Variants in DLGAP1 observed in about 807,000 individuals in gnomAD.
The protein encoded by DLGAP1 is DLG associated protein 1.
A neutral mutation model predicts 90.8 loss-of-function variants in DLGAP1; 11 were observed. The ratio of observed to expected loss-of-function variants is 0.12; its 90% confidence interval spans 0.08 to 0.20. The LOEUF (loss-of-function observed/expected upper bound fraction) is 0.20. Ranked by LOEUF, DLGAP1 falls within the 10% of genes least tolerant of loss-of-function variation. The pLI, the probability that DLGAP1 is intolerant of heterozygous loss-of-function variation, is 1.00. For missense variants in DLGAP1, 1,050 were observed against 1,333.8 expected (o/e 0.79, Z 3.31); for synonymous variants, 558 against 540.7 (o/e 1.03, Z -0.44).
At chr18:4,408,469 C>A (rs2082710766) in intron 1 of DLGAP1, among the ~76,000 whole-genome samples, 1 of 151,456 alleles carries the variant, frequency 6.6e-6, no homozygotes, top group Non-Finnish European at 1.5e-5. Flanking sequence ...GATAAACAAA[C>A]AGAAAACCAA....
chr18:4,202,418 T>C (rs1473548108), intron 1 of DLGAP1, among the ~76,000 whole-genome samples: 1 of 152,124 alleles, frequency 6.6e-6, no homozygotes, highest in Non-Finnish European at 1.5e-5. Context: ...AATGGGTAAA[T>C]GGCCAGACTT....
chr18:3,933,814 T>C (rs2148933988), intron 3 of DLGAP1, among the ~76,000 whole-genome samples: 1 of 152,026 alleles, frequency 6.6e-6, no homozygotes, highest in East Asian at 1.9e-4. Flanking sequence ...AAGGAGAGAG[T>C]CTGATACAAT....
At position 3,526,220 on chromosome 18, in the gene DLGAP1, A is replaced by G. The variant is rs1356793090; in HGVS notation, c.2479+7974T>C. ...GGCTAGAATGCAGCCATTGCTCCCCACTTAGAAACACACACGGGCTGGAGG... is the reference window on the plus strand; with the variant it reads ...GGCTAGAATGCAGCCATTGCTCCCCGCTTAGAAACACACACGGGCTGGAGG... On this transcript the variant is annotated intron_variant, in intron 10 of 12. Coordinates refer to ENST00000315677, the MANE Select transcript of DLGAP1 (RefSeq NM_004746.4). This position sits in a 1 kb window ranked among gnomAD's most constrained non-coding sequence, Gnocchi z 4.7. Among the ~76,000 whole-genome samples the G allele has an allele frequency of 6.6e-6, 1 of 152,184 alleles. No individual in the cohort carries two copies. Among genetic ancestry groups the G allele is most frequent in the Non-Finnish European group, 1.5e-5 (1 of 68,018 alleles).
intron 9 of DLGAP1, among the ~76,000 whole-genome samples, chr18:3,553,945 C>T (rs1360819805): frequency 6.6e-6 from 1 of 152,052 alleles, no homozygotes; most frequent in African/African-American, 2.4e-5. Context: ...GTAATGAAAA[C>T]AGTAATATTC....
chr18:4,066,493 C>T (rs974012072), intron 2 of DLGAP1, among the ~76,000 whole-genome samples: 6 of 151,920 alleles, frequency 3.9e-5, no homozygotes, highest in Admixed American at 6.6e-5. Flanking sequence ...AAAAAACAAC[C>T]CCATTAAAAA....
At chr18:3,546,732 T>C (rs526808) in intron 9 of DLGAP1, among the ~76,000 whole-genome samples, 80,149 of 151,812 alleles carry the variant, frequency 0.53, 25,909 homozygotes, top group Non-Finnish European at 0.69. Context: ...ATTTGTAGGA[T>C]ATAGTTAAAG....
intron 2 of DLGAP1, among the ~76,000 whole-genome samples, chr18:4,044,915 A>G (rs1334512886): frequency 6.6e-6 from 1 of 152,032 alleles, no homozygotes; most frequent in African/African-American, 2.4e-5. Context: ...GTCTTGTTGA[A>G]TTTTTTCATT....
intron 5 of DLGAP1, among the ~76,000 whole-genome samples, chr18:3,754,523 T>A (rs1410106511): frequency 6.6e-6 from 1 of 151,424 alleles, no homozygotes; most frequent in Non-Finnish European, 1.5e-5. Flanking sequence ...ATATCACGAA[T>A]GCATAAAATA....
intron 1 of DLGAP1, among the ~76,000 whole-genome samples, chr18:4,370,419 C>G (rs913165648): frequency 3.3e-5 from 5 of 152,180 alleles, no homozygotes; most frequent in African/African-American, 4.8e-5. Context: ...ACCAGCAGTA[C>G]ATGAGGAGTT....
intron 1 of DLGAP1, among the ~76,000 whole-genome samples, chr18:4,206,611 T>A (rs1299248799): frequency 6.6e-6 from 1 of 152,188 alleles, no homozygotes; most frequent in African/African-American, 2.4e-5. Flanking sequence ...CTGCCTACTG[T>A]CAGATAAGGG....
intron 1 of DLGAP1, among the ~76,000 whole-genome samples, chr18:4,374,965 AAAAAT>A (rs1319032321): frequency 2.6e-5 from 4 of 152,102 alleles, no homozygotes; most frequent in African/African-American, 7.2e-5. Flanking sequence ...CTGACAAGAA[AAAAAT>A]AAAATATCAC....
At chr18:4,045,429 CTACAAAAA>C (rs1361926733) in intron 2 of DLGAP1, among the ~76,000 whole-genome samples, 2 of 32,844 alleles carry the variant, frequency 6.1e-5, no homozygotes, top group African/African-American at 2.8e-4. Flanking sequence ...GACCCCATCT[CTACAAAAA>C]AAAAAAAAAA....
rs143328595 is a variant in DLGAP1 at position 3,900,290 on chromosome 18, C to G, written c.-72-20150G>C. 5.5e-3 allele frequency among the ~76,000 whole-genome samples: 837 copies of G among 152,298 alleles called. 4 individuals carry two copies. Among genetic ancestry groups the G allele is most frequent in the African/African-American group, 0.019 (807 of 41,552 alleles). On this transcript the variant is annotated intron_variant, in intron 3 of 12. Transcript: ENST00000315677. ...TTGAGGTAACTGATGACAATTCTGT[C>G]TGCCCTGATACCGACATTGTTGTTT...
chr18:3,785,126 T>G (rs28548262), intron 5 of DLGAP1, among the ~76,000 whole-genome samples: 1 of 152,216 alleles, frequency 6.6e-6, no homozygotes, highest in Non-Finnish European at 1.5e-5. Flanking sequence ...CTGATGGAAG[T>G]AGTTTTGAAG....
chr18:4,190,766 G>C (rs964758382), intron 1 of DLGAP1, among the ~76,000 whole-genome samples: 13 of 152,002 alleles, frequency 8.6e-5, no homozygotes, highest in African/African-American at 3.1e-4. Context: ...TTGTGTCTAG[G>C]TTTGGAGCTA....
intron 5 of DLGAP1, among the ~76,000 whole-genome samples, chr18:3,757,125 G>A (rs1005366844): frequency 3.3e-5 from 5 of 152,178 alleles, no homozygotes; most frequent in African/African-American, 1.2e-4. Context: ...GATACTGCAA[G>A]GAGGCCAGAT....
At chr18:4,148,149 G>GCAA (rs1047106745) in intron 2 of DLGAP1, among the ~76,000 whole-genome samples, 11 of 151,954 alleles carry the variant, frequency 7.2e-5, no homozygotes, top group African/African-American at 2.4e-4. Context: ...ACAAAACAGA[G>GCAA]CAACAACAAC....
chr18:3,842,505 C>T (rs949072020), intron 4 of DLGAP1, among the ~76,000 whole-genome samples: 4 of 151,750 alleles, frequency 2.6e-5, no homozygotes, highest in African/African-American at 9.7e-5. Context: ...TTACAATAGT[C>T]TAGCTGAGAA....
intron 1 of DLGAP1, among the ~76,000 whole-genome samples, chr18:4,277,036 C>G (rs1218918613): frequency 6.6e-6 from 1 of 152,178 alleles, no homozygotes; most frequent in East Asian, 1.9e-4. Context: ...AGTAACTTAG[C>G]TCATGCTGAT....
Sources: allele counts gnomAD v4.1 joint callset (sites outside exome capture counted in the v4.1 genomes callset), GRCh38; gene constraint gnomAD v4.1.1; non-coding constraint Gnocchi (gnomAD v3.1); transcripts MANE v1.5; gene names NCBI Gene and HGNC (gene_info 2026-07-23, HGNC 2026-07-21).